CXADR: variants seen among roughly 807,000 people sequenced by gnomAD.
CXADR encodes coxsackievirus and adenovirus receptor.
CXADR carries 20 observed loss-of-function variants against 40.3 expected under a neutral mutation model. The ratio of observed to expected loss-of-function variants is 0.50; its 90% confidence interval spans 0.35 to 0.72. CXADR has a LOEUF of 0.72. Ranked by LOEUF, CXADR falls within the 30% of genes least tolerant of loss-of-function variation. CXADR has a pLI of 0.01. For missense variants in CXADR, 332 were observed against 449.1 expected (o/e 0.74, Z 2.36); for synonymous variants, 150 against 161.3 (o/e 0.93, Z 0.53).
At chr21:17,587,761 T>C (rs1397348586) in intron 7 of CXADR, among the ~76,000 whole-genome samples, 1 of 151,934 alleles carries the variant, frequency 6.6e-6, no homozygotes, top group African/African-American at 2.4e-5. Context: ...TTTGTCAATT[T>C]TGGCTTTTGT....
At chr21:17,558,048 C>G (rs1446707076) in intron 3 of CXADR, among the ~76,000 whole-genome samples, 2 of 151,336 alleles carry the variant, frequency 1.3e-5, no homozygotes, top group African/African-American at 4.9e-5. Context: ...TAAACAGTTA[C>G]CCAGAAACAC....
intron 7 of CXADR, among the ~76,000 whole-genome samples, chr21:17,583,515 T>G (rs2061375145): frequency 6.6e-6 from 1 of 152,194 alleles, no homozygotes; most frequent in South Asian, 2.1e-4. Flanking sequence ...ATAACTGTTG[T>G]ACATCATCCA....
chr21:17,594,723 C>T (rs2061482149), downstream of CXADR, among the ~76,000 whole-genome samples: 1 of 151,978 alleles, frequency 6.6e-6, no homozygotes, highest in African/African-American at 2.4e-5. Context: ...AGGCCATTAT[C>T]CTTAGCAAAC....
chr21:17,568,806 C>CATGGT lies in CXADR; in HGVS notation c.*3114_*3115insATGGT. 1 of 985,182 alleles carries CATGGT rather than the reference C, an allele frequency of 1.0e-6. No individual in the cohort carries two copies. The highest frequency in any genetic ancestry group is 1.2e-6 in the Non-Finnish European group (1 of 829,920). 61.0% of individuals were successfully genotyped at this position (985,182 alleles called of 1,614,324 possible). A position where few individuals can be genotyped will look rare whatever the true frequency, so the allele number is the denominator to read the frequency against. On this transcript the variant is annotated 3_prime_UTR_variant, in exon 7 of 7. Coordinates refer to ENST00000284878, the MANE Select transcript of CXADR (RefSeq NM_001338.5). ...CTCACTCCCCCACCCCCAAAAATGT[C>CATGGT]TACTATTCATGACAGTAACCAATTA...
chr21:17,631,272 T>C, the CXADR span, among the ~76,000 whole-genome samples: 1 of 152,204 alleles, frequency 6.6e-6, no homozygotes, highest in African/African-American at 2.4e-5. Context: ...AGTTTTACAG[T>C]TCGTTGCTTT....
chr21:17,545,773 T>G (rs892506620), intron 1 of CXADR, among the ~76,000 whole-genome samples: 1 of 123,966 alleles, frequency 8.1e-6, no homozygotes, highest in African/African-American at 2.6e-5. Context: ...AACTATTTGG[T>G]TTTTTTTGTT....
intron 7 of CXADR, among the ~76,000 whole-genome samples, chr21:17,576,192 T>G (rs893209727): frequency 1.3e-5 from 2 of 151,950 alleles, no homozygotes; most frequent in Non-Finnish European, 2.9e-5. Flanking sequence ...GCAAATGCAG[T>G]AAGTGCTTAA....
chr21:17,559,356 TA>T (rs34059597), intron 4 of CXADR, among the ~76,000 whole-genome samples: 93,348 of 150,694 alleles, frequency 0.62, 29,245 homozygotes, highest in Middle Eastern at 0.7. Flanking sequence ...ATTTTTTTTT[TA>T]AAAAATGTGT....
chr21:17,540,557 T>G (rs1214938346), intron 1 of CXADR, among the ~76,000 whole-genome samples: 1 of 152,234 alleles, frequency 6.6e-6, no homozygotes, highest in African/African-American at 2.4e-5. Context: ...CTACCTGATC[T>G]GTTTGTCCTT....
chr21:17,524,488 A>G (rs138959565), intron 1 of CXADR, among the ~76,000 whole-genome samples: 102 of 148,832 alleles, frequency 6.9e-4, no homozygotes, highest in African/African-American at 2.1e-3. Context: ...CAGGAGGAGA[A>G]TCGCTGGAAC....
chr21:17,518,675 C>T (rs1209127420), intron 1 of CXADR: 2 of 1,610,116 alleles, frequency 1.2e-6, no homozygotes, highest in Non-Finnish European at 1.7e-6. Flanking sequence ...GTTAAACTGT[C>T]AGCACCAAGC....
intron 7 of CXADR, among the ~76,000 whole-genome samples, chr21:17,580,048 C>T (rs1221375631): frequency 6.6e-6 from 1 of 152,076 alleles, no homozygotes; most frequent in African/African-American, 2.4e-5. Flanking sequence ...GTCTCAAACT[C>T]CTGGCCTCAG....
intron 1 of CXADR, among the ~76,000 whole-genome samples, chr21:17,534,810 G>T (rs1183355503): frequency 1.2e-5 from 1 of 86,836 alleles, no homozygotes; most frequent in African/African-American, 5.2e-5. Flanking sequence ...TTTTGAGAAG[G>T]ACTCTTGCTC....
At chr21:17,541,911 TC>T (rs2060834729) in intron 1 of CXADR, 2 of 241,104 alleles carry the variant, frequency 8.3e-6, no homozygotes, top group African/African-American at 4.7e-5. Context: ...TACTACTTTT[TC>T]CTCTGTAATG....
the CXADR span, among the ~76,000 whole-genome samples, chr21:17,618,272 T>A: frequency 6.6e-6 from 1 of 152,150 alleles, no homozygotes; most frequent in East Asian, 1.9e-4. Context: ...TAATTCTAAT[T>A]CTCTTGCTAT....
chr21:17,524,033 T>TGTGTGTGTGC (rs1482606065), intron 1 of CXADR, among the ~76,000 whole-genome samples: 3 of 146,450 alleles, frequency 2.0e-5, no homozygotes, highest in African/African-American at 8.0e-5. Context: ...CGATTTTGTG[T>TGTGTGTGTGC]GTGTGTGTGC....
the CXADR span, among the ~76,000 whole-genome samples, chr21:17,626,624 A>G: frequency 6.6e-6 from 1 of 152,232 alleles, no homozygotes; most frequent in African/African-American, 2.4e-5. Flanking sequence ...AGCTAATGCT[A>G]TATTTAAGAT....
intron 1 of CXADR, among the ~76,000 whole-genome samples, chr21:17,522,257 T>C (rs1434315933): frequency 6.6e-6 from 1 of 152,070 alleles, no homozygotes; most frequent in Non-Finnish European, 1.5e-5. Context: ...CAAGTGATTC[T>C]CCTGCCTCAG....
chr21:17,523,479 A>G (rs1270832691), intron 1 of CXADR, among the ~76,000 whole-genome samples: 1 of 152,160 alleles, frequency 6.6e-6, no homozygotes, highest in Non-Finnish European at 1.5e-5. Flanking sequence ...ATCACCACTC[A>G]CATTTAGTTC....
Sources: gnomAD v4.1 joint callset for allele counts (sites outside exome capture counted in the v4.1 genomes callset) on GRCh38, gnomAD v4.1.1 for gene constraint, MANE v1.5 for transcripts, NCBI Gene and HGNC (gene_info 2026-07-23, HGNC 2026-07-21) for gene names.